RIMS1: variants seen among roughly 807,000 people sequenced by gnomAD.
RIMS1 encodes the protein regulating synaptic membrane exocytosis 1, also known as regulating synaptic membrane exocytosis protein 1.
A neutral mutation model predicts 214.1 loss-of-function variants in RIMS1; 83 were observed. The ratio of observed to expected loss-of-function variants is 0.39; its 90% confidence interval spans 0.32 to 0.47. RIMS1 has a LOEUF of 0.47. RIMS1 is among the 20% of genes least tolerant of loss of function. The pLI is 0.99. For missense variants in RIMS1, 2,050 were observed against 2,161.8 expected, an observed-to-expected ratio of 0.95 and a Z score of 1.03; for synonymous variants, 793 against 786.8, an observed-to-expected ratio of 1.01 and a Z score of -0.13.
At chr6:72,234,715 T>C (rs2063363207) in intron 7 of RIMS1, among the ~76,000 whole-genome samples, 1 of 152,016 alleles carries the variant, frequency 6.6e-6, no homozygotes, top group Admixed American at 6.6e-5. Flanking sequence ...GCACCACTTA[T>C]TCATCCCTCT....
At chr6:72,087,215 A>G (rs1834890395) in intron 2 of RIMS1, among the ~76,000 whole-genome samples, 1 of 152,220 alleles carries the variant, frequency 6.6e-6, no homozygotes, top group Non-Finnish European at 1.5e-5. Flanking sequence ...GAAGTTCAAG[A>G]TGCTTTTATA....
intron 4 of RIMS1, among the ~76,000 whole-genome samples, chr6:72,143,398 T>A (rs1357337334): frequency 6.6e-6 from 1 of 152,166 alleles, no homozygotes; most frequent in Non-Finnish European, 1.5e-5. Flanking sequence ...TAATGAGAGC[T>A]GGGCATCATA....
chr6:72,122,999 T>G (rs1017336343), intron 4 of RIMS1, among the ~76,000 whole-genome samples: 3 of 151,912 alleles, frequency 2.0e-5, no homozygotes, highest in African/African-American at 7.2e-5. Context: ...CTTAGTTTTT[T>G]CTTGTCTTCT....
At chr6:72,038,153 A>ATAT (rs1820465669) in intron 2 of RIMS1, among the ~76,000 whole-genome samples, 1 of 120,650 alleles carries the variant, frequency 8.3e-6, no homozygotes, top group Non-Finnish European at 1.7e-5. Flanking sequence ...ATATATATAT[A>ATAT]AAATCTATGT....
intron 4 of RIMS1, among the ~76,000 whole-genome samples, chr6:72,136,740 GTA>G (rs1394715668): frequency 5.3e-5 from 8 of 152,118 alleles, no homozygotes; most frequent in African/African-American, 1.4e-4. Flanking sequence ...ATAACTCAGT[GTA>G]TCAAACAAGT....
At chr6:72,148,370 G>A (rs1363414935) in intron 4 of RIMS1, among the ~76,000 whole-genome samples, 1 of 152,060 alleles carries the variant, frequency 6.6e-6, no homozygotes, top group Non-Finnish European at 1.5e-5. Flanking sequence ...AAAAACCTGG[G>A]ATACAAGAGG....
rs541448685 is a variant in RIMS1, at chr6:72,222,882, T to G, written c.1679-10891T>G. Among the ~76,000 whole-genome samples the G allele has an allele frequency of 1.3e-4, 20 of 152,354 alleles. No individual in the cohort carries two copies. The South Asian group carries it at 3.9e-3, about 30-fold the overall frequency. On this transcript the variant is annotated intron_variant, in intron 6 of 33. Coordinates refer to ENST00000521978, the MANE Select transcript of RIMS1 (RefSeq NM_014989.7). ...CATATATAACTGTTCATGCACTCCT[T>G]AACACAATTATGTTCATAGAGCTAC... is the stretch of plus-strand genomic sequence containing the variant.
At chr6:72,145,017 A>G (rs2042557205) in intron 4 of RIMS1, among the ~76,000 whole-genome samples, 1 of 151,848 alleles carries the variant, frequency 6.6e-6, no homozygotes, top group Admixed American at 6.6e-5. Context: ...CCTGAGTAGC[A>G]TAATTTTTCT....
intron 10 of RIMS1, among the ~76,000 whole-genome samples, chr6:72,243,038 A>G (rs2067654008): frequency 6.6e-6 from 1 of 151,802 alleles, no homozygotes; most frequent in Non-Finnish European, 1.5e-5. Context: ...GTATGTATAT[A>G]GATTTCCCCA....
chr6:72,311,546 T>C (rs1054048882), intron 27 of RIMS1, among the ~76,000 whole-genome samples: 29 of 152,334 alleles, frequency 1.9e-4, no homozygotes, highest in African/African-American at 6.3e-4. Context: ...TAATAACATA[T>C]GAATTTCCTT....
chr6:72,065,206 A>G (rs1828983007), intron 2 of RIMS1, among the ~76,000 whole-genome samples: 2 of 152,170 alleles, frequency 1.3e-5, no homozygotes, highest in African/African-American at 4.8e-5. Context: ...CCCAAGCCTG[A>G]GAGTGATTTT....
At chr6:72,150,520 G>A (rs999843140) in intron 4 of RIMS1, among the ~76,000 whole-genome samples, 3 of 152,048 alleles carry the variant, frequency 2.0e-5, no homozygotes, top group African/African-American at 7.2e-5. Flanking sequence ...ACTTTTTCTC[G>A]TATTTGTGAG....
chr6:71,979,972 G>A (rs1798095698), intron 2 of RIMS1, among the ~76,000 whole-genome samples: 1 of 152,066 alleles, frequency 6.6e-6, no homozygotes, highest in South Asian at 2.1e-4. Context: ...CAAAACTCAT[G>A]TACAGATATT....
chr6:72,331,041 T>C (rs1593848367), intron 28 of RIMS1, among the ~76,000 whole-genome samples: 1 of 151,762 alleles, frequency 6.6e-6, no homozygotes, highest in Middle Eastern at 3.2e-3. Flanking sequence ...TATTTTTCTA[T>C]TTTTTCCAGA....
At chr6:71,945,471 C>T (rs745485867) in intron 1 of RIMS1, among the ~76,000 whole-genome samples, 3 of 152,070 alleles carry the variant, frequency 2.0e-5, no homozygotes, top group Non-Finnish European at 4.4e-5. Flanking sequence ...ATTCTATTGA[C>T]AGTACAAATA....
intron 27 of RIMS1, among the ~76,000 whole-genome samples, chr6:72,310,131 A>G (rs2095435932): frequency 6.6e-6 from 1 of 152,096 alleles, no homozygotes; most frequent in Admixed American, 6.6e-5. Context: ...TTTTGGACGA[A>G]GCAATGAACA....
At chr6:72,354,302 G>A (rs1289356921) in intron 29 of RIMS1, among the ~76,000 whole-genome samples, 4 of 152,160 alleles carry the variant, frequency 2.6e-5, no homozygotes, top group Non-Finnish European at 5.9e-5. Flanking sequence ...ACTCCATGGG[G>A]ACAGTTTTCT....
intron 2 of RIMS1, among the ~76,000 whole-genome samples, chr6:72,047,161 C>G (rs760805802): frequency 4.6e-5 from 7 of 152,042 alleles, no homozygotes; most frequent in Non-Finnish European, 7.4e-5. Context: ...CTCCTCATTG[C>G]TTTTTTGTGA....
chr6:72,384,730 ATCTC>A (rs2098554888), intron 29 of RIMS1, among the ~76,000 whole-genome samples: 1 of 152,142 alleles, frequency 6.6e-6, no homozygotes, highest in South Asian at 2.1e-4. Flanking sequence ...AATATATTCT[ATCTC>A]TCTATCTTTC....
Sources: allele counts gnomAD v4.1 joint callset (sites outside exome capture counted in the v4.1 genomes callset), GRCh38; gene constraint gnomAD v4.1.1; transcripts MANE v1.5; gene names NCBI Gene and HGNC (gene_info 2026-07-23, HGNC 2026-07-21).